The following CNTNAP2 variants were observed in gnomAD, a reference collection of about 807,000 sequenced individuals.
The protein encoded by CNTNAP2 is contactin associated protein 2.
In CNTNAP2, 98 loss-of-function variants were observed where a neutral mutation model predicts 155.2. The ratio of observed to expected loss-of-function variants is 0.63; its 90% CI spans 0.54 to 0.75. The LOEUF (loss-of-function observed/expected upper bound fraction) is 0.75. CNTNAP2 is among the 30% of genes least tolerant of loss of function. The pLI is 0.00. For synonymous variants in CNTNAP2, 651 were observed against 631.2 expected, an observed-to-expected ratio of 1.03 and a Z score of -0.47; for missense variants, 1,727 against 1,688.1, an observed-to-expected ratio of 1.02 and a Z score of -0.40.
intron 1 of CNTNAP2, among the ~76,000 whole-genome samples, chr7:146,185,336 C>A (rs1798607724): frequency 6.6e-6 from 1 of 152,136 alleles, no homozygotes; most frequent in Non-Finnish European, 1.5e-5. Flanking sequence ...AGGCCACCCA[C>A]CTATTGGTTT....
chr7:147,045,625 T>C (rs1329057332), intron 4 of CNTNAP2, among the ~76,000 whole-genome samples: 1 of 151,918 alleles, frequency 6.6e-6, no homozygotes, highest in African/African-American at 2.4e-5. Context: ...CAAAAAGAGG[T>C]CTAACATAAA....
chr7:147,920,380 T>C (rs1014293650), intron 14 of CNTNAP2, among the ~76,000 whole-genome samples: 2 of 127,084 alleles, frequency 1.6e-5, no homozygotes, highest in African/African-American at 6.4e-5. Flanking sequence ...AAAAAAAGCA[T>C]GTCTCTGAAA....
chr7:147,711,439 C>G (rs1007644728), intron 13 of CNTNAP2, among the ~76,000 whole-genome samples: 1 of 152,096 alleles, frequency 6.6e-6, no homozygotes, highest in Non-Finnish European at 1.5e-5. Context: ...TCCCAATGTA[C>G]GAAGGGATGA....
chr7:148,127,616 TCAGAAGAAAATATTCTGCAATATA>T (rs1365737972), intron 16 of CNTNAP2, among the ~76,000 whole-genome samples: 5 of 152,162 alleles, frequency 3.3e-5, no homozygotes, highest in African/African-American at 1.2e-4. Flanking sequence ...CTCAAGAAAG[TCAGAAGAAAATATTCTGCAATATA>T]CAGAAACTGA....
At chr7:147,104,474 C>A (rs1800716708) in intron 4 of CNTNAP2, among the ~76,000 whole-genome samples, 1 of 151,678 alleles carries the variant, frequency 6.6e-6, no homozygotes, top group African/African-American at 2.4e-5. Context: ...AGTATATTAT[C>A]ATTGGTTATT....
intron 18 of CNTNAP2, chr7:148,190,164 G>A (rs1375403169): frequency 1.3e-5 from 2 of 152,228 alleles, no homozygotes; most frequent in Non-Finnish European, 2.9e-5. Flanking sequence ...TAGAGCCAAG[G>A]TGACACGTGC....
At chr7:147,931,731 A>T (rs1367296301) in intron 14 of CNTNAP2, among the ~76,000 whole-genome samples, 2 of 152,230 alleles carry the variant, frequency 1.3e-5, no homozygotes, top group Non-Finnish European at 2.9e-5. Flanking sequence ...TGATGAAAAA[A>T]ATTAAAGATG....
intron 12 of CNTNAP2, among the ~76,000 whole-genome samples, chr7:147,622,884 C>T (rs922610782): frequency 5.3e-5 from 8 of 151,494 alleles, no homozygotes; most frequent in Non-Finnish European, 3.0e-5. Context: ...TTTAGCCAGA[C>T]TAGGAAAAAA....
At chr7:147,718,174 G>A (rs1050679155) in intron 13 of CNTNAP2, among the ~76,000 whole-genome samples, 13 of 151,934 alleles carry the variant, frequency 8.6e-5, no homozygotes, top group Non-Finnish European at 1.2e-4. Context: ...TACTTTGACC[G>A]TGGAAGCACA....
In CNTNAP2 at chr7:146,883,097, C is replaced by T. The variant is rs78619331; in HGVS notation, c.402+43193C>T. Among the ~76,000 whole-genome samples the T allele has an allele frequency of 4.6e-3, 706 of 152,050 alleles. 4 individuals carry two copies. Among genetic ancestry groups the T allele is most frequent in the Non-Finnish European group, 5.9e-3 (404 of 67,972 alleles). ...ACTATTTGGTGTGTTACATAGGTAC[C>T]GTAACTGTAAATTTGTTTTATGTAG... On this transcript the variant is annotated intron_variant, in intron 3 of 23. Transcript: ENST00000361727.
At chr7:146,386,638 G>A (rs1415293874) in intron 1 of CNTNAP2, among the ~76,000 whole-genome samples, 1 of 152,052 alleles carries the variant, frequency 6.6e-6, no homozygotes, top group African/African-American at 2.4e-5. Flanking sequence ...CACCCACCTT[G>A]GCCTCCCAAA....
intron 17 of CNTNAP2, among the ~76,000 whole-genome samples, chr7:148,158,568 T>G (rs1226583912): frequency 6.6e-6 from 1 of 152,124 alleles, no homozygotes; most frequent in Non-Finnish European, 1.5e-5. Context: ...AAATCAACAG[T>G]GTACTTTTAA....
At chr7:146,251,956 G>C (rs1309312664) in intron 1 of CNTNAP2, among the ~76,000 whole-genome samples, 8 of 152,148 alleles carry the variant, frequency 5.3e-5, no homozygotes, top group African/African-American at 1.9e-4. Flanking sequence ...AAGGCTTAGA[G>C]CAAGATCATT....
At chr7:147,112,416 T>G (rs529073280) in intron 5 of CNTNAP2, among the ~76,000 whole-genome samples, 1 of 152,274 alleles carries the variant, frequency 6.6e-6, no homozygotes, top group Non-Finnish European at 1.5e-5. Flanking sequence ...TGTTGAATAG[T>G]CACGGTGAGA....
chr7:146,715,445 T>C (rs1274461753), intron 1 of CNTNAP2, among the ~76,000 whole-genome samples: 1 of 152,200 alleles, frequency 6.6e-6, no homozygotes, highest in Non-Finnish European at 1.5e-5. Flanking sequence ...CAAGACCTTA[T>C]CTATTGTCCA....
At chr7:146,668,266 A>G (rs1447286789) in intron 1 of CNTNAP2, among the ~76,000 whole-genome samples, 3 of 152,078 alleles carry the variant, frequency 2.0e-5, no homozygotes, top group African/African-American at 7.2e-5. Context: ...TTAATGTATG[A>G]TGTTTATTGA....
intron 13 of CNTNAP2, among the ~76,000 whole-genome samples, chr7:147,789,165 C>T (rs1797782929): frequency 6.6e-6 from 1 of 152,044 alleles, no homozygotes; most frequent in African/African-American, 2.4e-5. Flanking sequence ...CCTCGGCCTC[C>T]CAAAGTGCTG....
At chr7:146,906,583 C>T (rs1796133625) in intron 3 of CNTNAP2, among the ~76,000 whole-genome samples, 1 of 152,046 alleles carries the variant, frequency 6.6e-6, no homozygotes, top group South Asian at 2.1e-4. Context: ...AGACCTGCAG[C>T]TGAGGGTCCT....
chr7:147,530,196 T>TTG (rs1799406756), intron 11 of CNTNAP2, among the ~76,000 whole-genome samples: 1 of 151,392 alleles, frequency 6.6e-6, no homozygotes, highest in Non-Finnish European at 1.5e-5. Flanking sequence ...CTTTTTTTTT[T>TTG]TTTTTTTGAG....
Sources: allele counts gnomAD v4.1 joint callset (sites outside exome capture counted in the v4.1 genomes callset), GRCh38; gene constraint gnomAD v4.1.1; transcripts MANE v1.5; gene names NCBI Gene and HGNC (gene_info 2026-07-23, HGNC 2026-07-21).